Variants in SHROOM3 observed in about 807,000 individuals in gnomAD.
The protein encoded by SHROOM3 is protein Shroom3.
In SHROOM3, 47 loss-of-function variants were observed where a neutral mutation model predicts 138.6. That is an observed-to-expected ratio of 0.34 (90% CI 0.27 to 0.43). SHROOM3 has a LOEUF of 0.43. SHROOM3 is among the 20% of genes least tolerant of loss of function. The pLI is 1.00. For missense variants in SHROOM3, 2,491 were observed against 2,596.5 expected, an observed-to-expected ratio of 0.96 and a Z score of 0.88; for synonymous variants, 1,062 against 1,063.3, an observed-to-expected ratio of 1.00 and a Z score of 0.02.
At chr4:76,522,963 A>C (rs145853290) in intron 1 of SHROOM3, among the ~76,000 whole-genome samples, 2 of 152,160 alleles carry the variant, frequency 1.3e-5, no homozygotes, top group Non-Finnish European at 2.9e-5. Context: ...TGGCTATACT[A>C]TTAGTTTCCT....
At chr4:76,691,101 A>C (rs1296532621) in intron 2 of SHROOM3, among the ~76,000 whole-genome samples, 1 of 152,202 alleles carries the variant, frequency 6.6e-6, no homozygotes, top group African/African-American at 2.4e-5. Context: ...GTGCCCAAAC[A>C]CATACCCCTT....
At chr4:76,766,991 C>G (rs1722178677) in intron 9 of SHROOM3, among the ~76,000 whole-genome samples, 1 of 152,184 alleles carries the variant, frequency 6.6e-6, no homozygotes, top group African/African-American at 2.4e-5. Flanking sequence ...TCATTCCGTT[C>G]TTTCTTGCAC....
intron 4 of SHROOM3, among the ~76,000 whole-genome samples, chr4:76,733,336 G>A (rs2110129764): frequency 6.6e-6 from 1 of 152,280 alleles, no homozygotes; most frequent in African/African-American, 2.4e-5. Context: ...TTAGGCAGGT[G>A]GATCTGCCCT....
At chr4:76,595,243 A>T (rs1010432583) in intron 2 of SHROOM3, among the ~76,000 whole-genome samples, 10 of 152,260 alleles carry the variant, frequency 6.6e-5, no homozygotes, top group African/African-American at 2.4e-4. Context: ...TTTAGAAAGT[A>T]GGCAGCTATT....
intron 2 of SHROOM3, among the ~76,000 whole-genome samples, chr4:76,584,480 T>C (rs149414948): frequency 6.6e-5 from 10 of 152,260 alleles, no homozygotes; most frequent in African/African-American, 1.9e-4. Flanking sequence ...TGAGCTTAAA[T>C]TGGACAGAGC....
chr4:76,654,480 A>C (rs570509998), intron 2 of SHROOM3, among the ~76,000 whole-genome samples: 1 of 152,168 alleles, frequency 6.6e-6, no homozygotes, highest in South Asian at 2.1e-4. Context: ...GTGTGTGCCA[A>C]CATGCCCAGC....
intron 2 of SHROOM3, among the ~76,000 whole-genome samples, chr4:76,678,078 A>G (rs902473077): frequency 6.6e-6 from 1 of 152,200 alleles, no homozygotes; most frequent in African/African-American, 2.4e-5. Flanking sequence ...AGAGAGGTGA[A>G]TTAGCTTTTT....
At chr4:76,767,725 G>A (rs1249254980) in intron 9 of SHROOM3, among the ~76,000 whole-genome samples, 1 of 152,020 alleles carries the variant, frequency 6.6e-6, no homozygotes, top group Admixed American at 6.6e-5. Flanking sequence ...GCCACAGGAG[G>A]ATTTTTAAAT....
At chr4:76,685,923 G>T (rs4859457) in intron 2 of SHROOM3, among the ~76,000 whole-genome samples, 37,206 of 152,050 alleles carry the variant, frequency 0.24, 4,733 homozygotes, top group East Asian at 0.35. Context: ...AGTGAGCTGA[G>T]ATTGCACCAC....
intron 1 of SHROOM3, among the ~76,000 whole-genome samples, chr4:76,521,169 G>A (rs911290005): frequency 2.0e-5 from 3 of 151,974 alleles, no homozygotes; most frequent in Admixed American, 6.6e-5. Flanking sequence ...TTAAAGTTGA[G>A]TACCTTTGAA....
chr4:76,665,361 C>A (rs1030049387), intron 2 of SHROOM3, among the ~76,000 whole-genome samples: 4 of 152,134 alleles, frequency 2.6e-5, no homozygotes, highest in African/African-American at 7.2e-5. Flanking sequence ...TCTTGACCCA[C>A]CCTTAATACC....
At chr4:76,669,529 A>G (rs1461461645) in intron 2 of SHROOM3, among the ~76,000 whole-genome samples, 4 of 151,864 alleles carry the variant, frequency 2.6e-5, no homozygotes, top group African/African-American at 7.3e-5. Context: ...TGGGAGAATC[A>G]CTTGAACCCG....
At chr4:76,723,833 TGGCACTCAGTA>T (rs1338285790) in intron 3 of SHROOM3, among the ~76,000 whole-genome samples, 1 of 152,234 alleles carries the variant, frequency 6.6e-6, no homozygotes, top group East Asian at 1.9e-4. Flanking sequence ...GAATGGTGGT[TGGCACTCAGTA>T]GGCACTCAAA....
At chr4:76,726,090 A>C (rs1176542512) in intron 3 of SHROOM3, among the ~76,000 whole-genome samples, 1 of 152,090 alleles carries the variant, frequency 6.6e-6, no homozygotes, top group African/African-American at 2.4e-5. Flanking sequence ...CATTGCAAGG[A>C]CTTGCTAGTT....
intron 2 of SHROOM3, among the ~76,000 whole-genome samples, chr4:76,633,395 G>A (rs574407930): frequency 8.6e-5 from 13 of 151,076 alleles, no homozygotes; most frequent in African/African-American, 2.7e-4. Flanking sequence ...CTGGCCGGGC[G>A]TGGTGGCTCA....
intron 2 of SHROOM3, among the ~76,000 whole-genome samples, chr4:76,569,713 C>A (rs993107752): frequency 3.5e-5 from 5 of 141,500 alleles, no homozygotes; most frequent in East Asian, 2.1e-4. Context: ...TTTTTTTTTC[C>A]CCTCAAAGTG....
At chr4:76,767,346 C>G (rs1722191338) in intron 9 of SHROOM3, among the ~76,000 whole-genome samples, 1 of 152,178 alleles carries the variant, frequency 6.6e-6, no homozygotes, top group Admixed American at 6.5e-5. Flanking sequence ...TGGTTTCTGC[C>G]CATTTGCAAA....
chr4:76,590,168 G>A (rs1371269516), intron 2 of SHROOM3, among the ~76,000 whole-genome samples: 3 of 152,196 alleles, frequency 2.0e-5, no homozygotes, highest in Non-Finnish European at 4.4e-5. Context: ...TGAATTGGGT[G>A]TGTGCTCACC....
intron 9 of SHROOM3, among the ~76,000 whole-genome samples, chr4:76,766,316 G>A (rs75519180): frequency 6.6e-6 from 1 of 152,226 alleles, no homozygotes; most frequent in African/African-American, 2.4e-5. Flanking sequence ...AGAAACAGAA[G>A]GTCAAGTGAC....
Sources: gnomAD v4.1 joint callset for allele counts (sites outside exome capture counted in the v4.1 genomes callset) on GRCh38, gnomAD v4.1.1 for gene constraint, MANE v1.5 for transcripts, NCBI Gene and HGNC (gene_info 2026-07-23, HGNC 2026-07-21) for gene names.